The following DIMT1 variants were observed in gnomAD, a reference collection of about 807,000 sequenced individuals.
The protein encoded by DIMT1 is DIM1 rRNA methyltransferase and ribosome maturation factor.
In DIMT1, 36 loss-of-function variants were observed where a neutral mutation model predicts 43.2. The ratio of observed to expected loss-of-function variants is 0.83; its 90% CI spans 0.64 to 1.10. DIMT1 has a LOEUF of 1.10. Ranked by LOEUF, DIMT1 falls within the 50% of genes least tolerant of loss-of-function variation. The pLI is 0.00. For synonymous variants in DIMT1, 126 were observed against 130.3 expected, an observed-to-expected ratio of 0.97 and a Z score of 0.22; for missense variants, 341 against 385.3, an observed-to-expected ratio of 0.88 and a Z score of 0.96.
chr5:62,391,435 T>A (rs1742302416), intron 10 of DIMT1: 1 of 160,582 alleles, frequency 6.2e-6, no homozygotes, highest in Admixed American at 6.2e-5. Flanking sequence ...CCAAAAGGAT[T>A]TTACACTTAA....
At chr5:62,394,649 C>T (rs977831666) in intron 6 of DIMT1, 42 bp from the exon 7 acceptor site, 24 of 1,608,184 alleles carry the variant, frequency 1.5e-5, no homozygotes, top group African/African-American at 9.4e-5. Flanking sequence ...TGGTCATTGT[C>T]AACTATAAAT....
chr5:62,389,612 T>G (rs556952054), intron 11 of DIMT1, among the ~76,000 whole-genome samples: 17 of 152,186 alleles, frequency 1.1e-4, no homozygotes, highest in Admixed American at 9.2e-4. Context: ...ACTAAAATTA[T>G]CTTAGACTTT....
At chr5:62,398,792 G>A (rs1349500134) in intron 4 of DIMT1, 28 bp downstream of exon 4, 2 of 1,613,426 alleles carry the variant, frequency 1.2e-6, no homozygotes, top group African/African-American at 1.3e-5. Context: ...AGATTGAAAT[G>A]CACTTTAATT....
At chr5:62,394,250 G>C (rs1187254620) in intron 7 of DIMT1, among the ~76,000 whole-genome samples, 1 of 152,150 alleles carries the variant, frequency 6.6e-6, no homozygotes, top group Non-Finnish European at 1.5e-5. Context: ...ATGGATCATT[G>C]AGCCCAGGAG....
intron 11 of DIMT1, among the ~76,000 whole-genome samples, chr5:62,390,431 T>C (rs1286863417): frequency 2.0e-5 from 3 of 152,350 alleles, no homozygotes; most frequent in Middle Eastern, 3.4e-3. Context: ...ACTGGCATTA[T>C]TGTATGCTTA....
chr5:62,400,163 G>C (rs1742649681), intron 3 of DIMT1, among the ~76,000 whole-genome samples: 2 of 152,190 alleles, frequency 1.3e-5, no homozygotes, highest in Admixed American at 6.5e-5. Context: ...AACTTCTCAA[G>C]TAAATGAAAA....
At chr5:62,396,949 T>C (rs899683740) in intron 6 of DIMT1, among the ~76,000 whole-genome samples, 37 of 152,148 alleles carry the variant, frequency 2.4e-4, no homozygotes, top group African/African-American at 8.4e-4. Context: ...TGTTTCAGGA[T>C]CTTGTTTTCT....
intron 6 of DIMT1, 38 bp from the exon 7 acceptor site, chr5:62,394,645 T>A (rs370275133): frequency 3.7e-6 from 6 of 1,608,930 alleles, no homozygotes; most frequent in Non-Finnish European, 5.1e-6. Context: ...AAAATGGTCA[T>A]TGTCAACTAT....
At chr5:62,395,992 A>T (rs1027802010) in intron 6 of DIMT1, among the ~76,000 whole-genome samples, 3 of 152,126 alleles carry the variant, frequency 2.0e-5, no homozygotes, top group African/African-American at 7.2e-5. Flanking sequence ...AGCCTGTCTC[A>T]GAAAAAGAAA....
In DIMT1 at chr5:62,388,935, C is replaced by T. The variant is rs1173632672; in HGVS notation, c.*75G>A. On this transcript the variant is annotated 3_prime_UTR_variant, in exon 12 of 12. Coordinates refer to ENST00000199320, the MANE Select transcript of DIMT1 (RefSeq NM_014473.4). ...AAATAATGTCTCAGTAAAGCAAAAG[C>T]ATTATCTTCTCAAATACAAAAAATA... 7.2e-7 allele frequency: 1 copy of T among 1,383,882 alleles called. No individual in the cohort carries two copies. 85.7% of individuals were successfully genotyped at this position (1,383,882 alleles called of 1,614,324 possible).
rs563279122 is a variant in DIMT1 at position 62,401,495 on chromosome 5, CAAAAAAAAAAA to C, written c.240+530_240+540del. On this transcript the variant is annotated intron_variant, in intron 3 of 11. Coordinates refer to ENST00000199320, the MANE Select transcript of DIMT1 (RefSeq NM_014473.4). ...GGGGAACAGTGTGAAATTCCCTCTC[CAAAAAAAAAAA>C]AAAAAAAAAAAAATTCCCTGTTGAA... Among the ~76,000 whole-genome samples, 43 of 60,536 alleles carry C rather than the reference CAAAAAAAAAAA, an allele frequency of 7.1e-4. 1 individual carries two copies. Among genetic ancestry groups the C allele is most frequent in the African/African-American group, 2.6e-3 (41 of 16,000 alleles). 39.7% of individuals were successfully genotyped at this position (60,536 alleles called of 152,430 possible).
chr5:62,399,020 C>T (rs166007), intron 3 of DIMT1, 139 bp from the exon 4 acceptor site: 171,950 of 743,340 alleles, frequency 0.23, 20,746 homozygotes, highest in Middle Eastern at 0.27. Flanking sequence ...TTTAATTATA[C>T]TCGCATACTT....
chr5:62,402,261 A>G, intron 2 of DIMT1, 139 bp from the exon 3 acceptor site: 1 of 810,992 alleles, frequency 1.2e-6, no homozygotes, highest in Non-Finnish European at 1.9e-6. Context: ...TTCATGATCT[A>G]CGTGGTTAAC....
rs1186230224 is a variant in DIMT1 at position 62,388,001 on chromosome 5, ATAACTC to A, written c.*1003_*1008del. ...TTTTTATAGAAACAAAATAGCTACT[ATAACTC>A]TATTATAGTATATTAACAGCACTTA... On this transcript the variant is annotated 3_prime_UTR_variant, in exon 12 of 12. Coordinates refer to ENST00000199320, the MANE Select transcript of DIMT1 (RefSeq NM_014473.4). 2 of 152,170 alleles carry A rather than the reference ATAACTC, an allele frequency of 1.3e-5. No homozygotes were observed. Among genetic ancestry groups the A allele is most frequent in the Non-Finnish European group, 2.9e-5 (2 of 68,016 alleles). 9.4% of individuals were successfully genotyped at this position (152,170 alleles called of 1,614,324 possible).
intron 6 of DIMT1, among the ~76,000 whole-genome samples, chr5:62,396,237 T>C (rs1742489924): frequency 1.3e-5 from 2 of 149,002 alleles, no homozygotes; most frequent in South Asian, 4.3e-4. Flanking sequence ...CTGGGCACCA[T>C]GGTTCATGCC....
At position 62,392,915 on chromosome 5, in the gene DIMT1, G is replaced by T. The variant is rs1265529233; in HGVS notation, c.728+11C>A. 13 of 1,594,012 alleles carry T rather than the reference G, an allele frequency of 8.2e-6. No homozygotes were observed. Among genetic ancestry groups the T allele is most frequent in the Non-Finnish European group, 1.1e-5 (13 of 1,162,378 alleles). On this transcript the variant is annotated intron_variant, in intron 9 of 11. Transcript: ENST00000199320. The stretch of plus-strand genomic sequence containing the variant: ...GGCCCTTTATACATTAGAAATTAGT[G>T]TAATACTTACTTAAATGCAGCAGAG...
intron 10 of DIMT1, 177 bp downstream of exon 10, chr5:62,391,994 C>T: frequency 1.3e-6 from 2 of 1,542,554 alleles, no homozygotes; most frequent in Non-Finnish European, 1.7e-6. Flanking sequence ...ACAGGATACA[C>T]AGCAGCACTG....
chr5:62,391,899 T>G, intron 10 of DIMT1: 1 of 1,533,366 alleles, frequency 6.5e-7, no homozygotes, highest in South Asian at 1.2e-5. Context: ...CTGTAACTGC[T>G]GAATCTGATT....
At chr5:62,401,495 CAAAAAAA>C (rs563279122) in intron 3 of DIMT1, among the ~76,000 whole-genome samples, 1 of 60,500 alleles carries the variant, frequency 1.7e-5, no homozygotes, top group African/African-American at 6.3e-5. Context: ...ATTCCCTCTC[CAAAAAAA>C]AAAAAAAAAA....
Sources: allele counts gnomAD v4.1 joint callset (sites outside exome capture counted in the v4.1 genomes callset), GRCh38; gene constraint gnomAD v4.1.1; transcripts MANE v1.5; gene names NCBI Gene and HGNC (gene_info 2026-07-23, HGNC 2026-07-21).